SGIP1: variants seen among roughly 807,000 people sequenced by gnomAD.
The protein encoded by SGIP1 is SH3GL interacting endocytic adaptor 1, also known as SH3-containing GRB2-like protein 3-interacting protein 1.
SGIP1 carries 38 observed loss-of-function variants against 107.5 expected under a neutral mutation model. The ratio of observed to expected loss-of-function variants is 0.35; its 90% CI spans 0.27 to 0.46. The LOEUF (loss-of-function observed/expected upper bound fraction) is 0.46, where lower values mean the gene tolerates loss of function less well. SGIP1 is among the 20% of genes least tolerant of loss of function. The pLI is 1.00. For missense variants in SGIP1, 929 were observed against 1,019.5 expected (o/e 0.91, Z 1.21); for synonymous variants, 365 against 366.1 (o/e 1.00, Z 0.03).
At chr1:66,543,695 G>C (rs2055579697) in intron 1 of SGIP1, among the ~76,000 whole-genome samples, 1 of 152,114 alleles carries the variant, frequency 6.6e-6, no homozygotes, top group South Asian at 2.1e-4. Flanking sequence ...GTACAGTGTG[G>C]GGGGAAGGGC....
intron 8 of SGIP1, among the ~76,000 whole-genome samples, chr1:66,663,457 G>A (rs1052526714): frequency 6.6e-6 from 1 of 152,076 alleles, no homozygotes; most frequent in Non-Finnish European, 1.5e-5. Flanking sequence ...TTCCCTCCTG[G>A]CTGATAATAA....
intron 1 of SGIP1, among the ~76,000 whole-genome samples, chr1:66,620,736 A>G (rs1304580549): frequency 6.6e-6 from 1 of 152,182 alleles, no homozygotes; most frequent in African/African-American, 2.4e-5. Context: ...AAACCATGTC[A>G]CATAAGAAAT....
chr1:66,585,383 C>G (rs938418497), intron 1 of SGIP1, among the ~76,000 whole-genome samples: 1 of 152,116 alleles, frequency 6.6e-6, no homozygotes, highest in African/African-American at 2.4e-5. Context: ...CTCATGGAGT[C>G]TGAGACTTTA....
At chr1:66,620,223 T>C (rs2070621027) in intron 1 of SGIP1, among the ~76,000 whole-genome samples, 1 of 152,154 alleles carries the variant, frequency 6.6e-6, no homozygotes, top group East Asian at 1.9e-4. Flanking sequence ...TTGTGGGAGT[T>C]TTTTTAGTTA....
chr1:66,632,815 C>T (rs2075051660), intron 2 of SGIP1, among the ~76,000 whole-genome samples: 1 of 152,148 alleles, frequency 6.6e-6, no homozygotes, highest in Admixed American at 6.5e-5. Context: ...AAAAATGAAC[C>T]AAGGCACTAC....
intron 18 of SGIP1, among the ~76,000 whole-genome samples, chr1:66,706,958 A>C (rs373442349): frequency 3.3e-5 from 5 of 152,312 alleles, no homozygotes; most frequent in East Asian, 3.9e-4. Context: ...TTAAAAATTC[A>C]AATATGGGAA....
intron 1 of SGIP1, among the ~76,000 whole-genome samples, chr1:66,610,309 G>A (rs1182419807): frequency 1.3e-5 from 2 of 152,084 alleles, no homozygotes; most frequent in African/African-American, 2.4e-5. Context: ...ATTATATATA[G>A]TTACTTATTA....
Position 66,636,007 on chromosome 1 carries a change from A to G in SGIP1, c.163A>G (p.Lys55Glu). ...KAECAREGGK[K>E]VSKKSNGAPN... ...AGAGTGTGCGCGTGAAGGAGGAAAA[A>G]AAGTTTCGGTAAGGAAACAGATTTT... Residue 55 changes from lysine (K) to glutamate (E), a missense_variant, in exon 4 of 25, where the codon AAA becomes GAA. Coordinates refer to ENST00000371037, the MANE Select transcript of SGIP1 (RefSeq NM_032291.4). 6.2e-7 allele frequency: 1 copy of G among 1,613,780 alleles called. No individual in the cohort carries two copies. Among genetic ancestry groups the G allele is most frequent in the Non-Finnish European group, 8.5e-7 (1 of 1,179,840 alleles).
intron 19 of SGIP1, among the ~76,000 whole-genome samples, chr1:66,722,571 A>C (rs2093590169): frequency 6.6e-6 from 1 of 152,216 alleles, no homozygotes; most frequent in Non-Finnish European, 1.5e-5. Context: ...TGTACCTGCC[A>C]TTGTGCTAGA....
At chr1:66,682,951 C>T (rs1284826080) in intron 15 of SGIP1, among the ~76,000 whole-genome samples, 1 of 151,846 alleles carries the variant, frequency 6.6e-6, no homozygotes, top group African/African-American at 2.4e-5. Flanking sequence ...AAATGGGATA[C>T]ATATATTGCA....
intron 1 of SGIP1, among the ~76,000 whole-genome samples, chr1:66,624,258 A>T (rs1191218112): frequency 6.6e-6 from 1 of 152,206 alleles, no homozygotes; most frequent in Non-Finnish European, 1.5e-5. Flanking sequence ...TAGACTGATG[A>T]TTATGTAACT....
chr1:66,638,205 A>G (rs1193449810), intron 4 of SGIP1, among the ~76,000 whole-genome samples: 4 of 152,190 alleles, frequency 2.6e-5, no homozygotes, highest in African/African-American at 9.6e-5. Flanking sequence ...GCAGAAATTA[A>G]AAGAGAAAGT....
upstream of SGIP1, chr1:66,533,549 G>C (rs1265487600): frequency 6.6e-6 from 1 of 152,044 alleles, no homozygotes; most frequent in Non-Finnish European, 1.5e-5. Context: ...ATGATGTGAC[G>C]TCAGTCGGAT....
At chr1:66,712,838 CT>C (rs2093005272) in intron 18 of SGIP1, among the ~76,000 whole-genome samples, 1 of 152,158 alleles carries the variant, frequency 6.6e-6, no homozygotes, top group African/African-American at 2.4e-5. Flanking sequence ...AGAAAACCGC[CT>C]TTCAGAAAAC....
chr1:66,638,865 T>A (rs2076271685), intron 4 of SGIP1, among the ~76,000 whole-genome samples: 1 of 152,216 alleles, frequency 6.6e-6, no homozygotes, highest in African/African-American at 2.4e-5. Context: ...TTGATGTGTG[T>A]TGTTCTGAGA....
chr1:66,559,660 T>C (rs996123), intron 1 of SGIP1, among the ~76,000 whole-genome samples: 109,042 of 151,892 alleles, frequency 0.72, 41,048 homozygotes, highest in East Asian at 1. Flanking sequence ...GTGACTGTGA[T>C]GGACATCACT....
At chr1:66,579,346 G>T (rs2061509221) in intron 1 of SGIP1, among the ~76,000 whole-genome samples, 1 of 152,154 alleles carries the variant, frequency 6.6e-6, no homozygotes, top group Admixed American at 6.5e-5. Flanking sequence ...ATAGGCATAA[G>T]ATGGTAGACA....
intron 1 of SGIP1, among the ~76,000 whole-genome samples, chr1:66,585,536 C>T (rs1476920107): frequency 6.7e-6 from 1 of 150,218 alleles, no homozygotes; most frequent in Non-Finnish European, 1.5e-5. Context: ...ATGGGCAGTG[C>T]TATTTTGAGA....
intron 1 of SGIP1, among the ~76,000 whole-genome samples, chr1:66,585,570 TTGTGTG>T (rs113981156): frequency 6.7e-6 from 1 of 150,062 alleles, no homozygotes; most frequent in Middle Eastern, 3.4e-3. Flanking sequence ...GCTTTGGAGT[TTGTGTG>T]TGTGTGTGTG....
Sources: gnomAD v4.1 joint callset for allele counts (sites outside exome capture counted in the v4.1 genomes callset) on GRCh38, gnomAD v4.1.1 for gene constraint, MANE v1.5 for transcripts, NCBI Gene and HGNC (gene_info 2026-07-23, HGNC 2026-07-21) for gene names.